The following NTM variants were observed in gnomAD, a reference collection of about 807,000 sequenced individuals.
NTM encodes IgLON family member 2.
NTM carries 13 observed loss-of-function variants against 42.1 expected under a neutral mutation model. The observed-to-expected ratio is 0.31, with a 90% CI of 0.20 to 0.49. NTM has a LOEUF of 0.49. NTM is among the 20% of genes least tolerant of loss of function. The pLI, the probability that NTM is intolerant of heterozygous loss-of-function variation, is 0.99. For synonymous variants in NTM, 187 were observed against 179.2 expected (o/e 1.04, Z -0.35); for missense variants, 373 against 452.8 (o/e 0.82, Z 1.60).
intron 4 of NTM, among the ~76,000 whole-genome samples, chr11:132,287,019 T>C (rs1665641219): frequency 6.6e-6 from 1 of 152,238 alleles, no homozygotes; most frequent in South Asian, 2.1e-4. Context: ...GGCTTTCTCC[T>C]TTAAATTCCT....
intron 2 of NTM, among the ~76,000 whole-genome samples, chr11:131,976,116 A>ATTCCTTCCTTCC (rs373955090): frequency 0.12 from 15,437 of 123,566 alleles, 1,243 homozygotes; most frequent in East Asian, 0.24. Flanking sequence ...TCCCTCCCTC[A>ATTCCTTCCTTCC]TTCCTTCCTT....
intron 2 of NTM, among the ~76,000 whole-genome samples, chr11:132,050,381 C>T (rs368372982): frequency 3.3e-5 from 5 of 152,084 alleles, no homozygotes; most frequent in South Asian, 2.1e-4. Context: ...CCCACCCCTA[C>T]GAGGATTTTC....
chr11:131,703,956 C>T (rs752647298), intron 1 of NTM, among the ~76,000 whole-genome samples: 1 of 152,172 alleles, frequency 6.6e-6, no homozygotes, highest in African/African-American at 2.4e-5. Context: ...GCTCCAGCCT[C>T]TAGGGTTGCA....
chr11:132,334,121 G>A (rs552567996), intron 8 of NTM, among the ~76,000 whole-genome samples: 25 of 152,276 alleles, frequency 1.6e-4, no homozygotes, highest in Admixed American at 1.4e-3. Flanking sequence ...AATTCATCTG[G>A]GCATCCAAAC....
chr11:132,037,355 C>T (rs755726595), intron 2 of NTM, among the ~76,000 whole-genome samples: 15 of 152,262 alleles, frequency 9.9e-5, no homozygotes, highest in Admixed American at 1.3e-4. Flanking sequence ...CTCACTGCCA[C>T]GCTTCTTGTG....
In NTM at chr11:132,146,603, T is replaced by G. The variant is rs953089335; in HGVS notation, c.400+89T>G. ...TTTGTTCTCTGATCCTCAACAGAGA[T>G]GAGTTATCCTTATTCTACGCATCTG... On this transcript the variant is annotated intron_variant, in intron 3 of 8. Transcript: ENST00000683400. This position sits in a 1 kb window ranked among gnomAD's most constrained non-coding sequence, Gnocchi z 4.5. 3.0e-6 allele frequency: 4 copies of G among 1,348,716 alleles called. No individual in the cohort carries two copies. The highest frequency in any genetic ancestry group is 2.7e-5 in the South Asian group (2 of 73,224). The allele number at this position is 1,348,716 out of a possible 1,614,324, so 83.5% of individuals were successfully genotyped here.
intron 1 of NTM, among the ~76,000 whole-genome samples, chr11:131,656,612 T>C (rs2067215698): frequency 6.6e-6 from 1 of 152,152 alleles, no homozygotes; most frequent in African/African-American, 2.4e-5. Flanking sequence ...GAGGCAGAGC[T>C]CCTGCTGATG....
At chr11:131,409,874 A>T (rs972735193) in intron 1 of NTM, among the ~76,000 whole-genome samples, 34 of 152,088 alleles carry the variant, frequency 2.2e-4, no homozygotes, top group African/African-American at 8.2e-4. Flanking sequence ...TTTTTTAATC[A>T]TCTCCTCCTG....
chr11:132,174,683 G>C (rs1412899517), intron 3 of NTM, among the ~76,000 whole-genome samples: 1 of 151,804 alleles, frequency 6.6e-6, no homozygotes, highest in Non-Finnish European at 1.5e-5. Flanking sequence ...TCTCTTTCTG[G>C]CAATGGCTCT....
rs139743831 is a variant in NTM, at chr11:131,499,869, C to T, written c.82+128981C>T. 1.2e-4 allele frequency among the ~76,000 whole-genome samples: 18 copies of T among 152,316 alleles called. No homozygotes were observed. In the East Asian group the frequency reaches 2.9e-3, roughly 24 times the overall value. On this transcript the variant is annotated intron_variant, in intron 1 of 8. Coordinates refer to ENST00000683400, the MANE Select transcript of NTM (RefSeq NM_001352005.2). ...TACTTCTGTGTCAGTTGTATCTACACGTCTATTATTTTGTTTATCTTTTAT... is the reference window on the plus strand; with the variant it reads ...TACTTCTGTGTCAGTTGTATCTACATGTCTATTATTTTGTTTATCTTTTAT...
In NTM at chr11:132,292,666, G is replaced by T. The variant is rs77925487; in HGVS notation, c.527-15023G>T. 1.5e-3 allele frequency among the ~76,000 whole-genome samples: 224 copies of T among 151,852 alleles called. 1 individual carries two copies. The highest frequency in any genetic ancestry group is 3.4e-3 in the Middle Eastern group (1 of 294). On this transcript the variant is annotated intron_variant, in intron 4 of 8. Coordinates refer to ENST00000683400, the MANE Select transcript of NTM (RefSeq NM_001352005.2). Reference sequence around the variant, plus strand: ...GAGACAGACATTTAGATTCATCTAGGATGGGGTTTTGCCAGGCTAGTGGAA... The same window carrying T: ...GAGACAGACATTTAGATTCATCTAGTATGGGGTTTTGCCAGGCTAGTGGAA...
intron 2 of NTM, among the ~76,000 whole-genome samples, chr11:131,914,934 A>G (rs77336102): frequency 0.066 from 10,000 of 152,210 alleles, 1,108 homozygotes; most frequent in African/African-American, 0.23. Flanking sequence ...TATTATCCCT[A>G]TTTTACAGAC....
intron 1 of NTM, among the ~76,000 whole-genome samples, chr11:131,732,964 A>G (rs1453246713): frequency 6.6e-6 from 1 of 152,186 alleles, no homozygotes; most frequent in Non-Finnish European, 1.5e-5. Context: ...TATAATTAGT[A>G]TGATGTACAC....
At chr11:131,502,826 C>G (rs71483671) in intron 1 of NTM, 1 of 152,180 alleles carries the variant, frequency 6.6e-6, no homozygotes, top group African/African-American at 2.4e-5. Flanking sequence ...AGCATCTGAT[C>G]GAATGCTTTT....
At chr11:131,455,966 G>T (rs1254490425) in intron 1 of NTM, among the ~76,000 whole-genome samples, 1 of 152,230 alleles carries the variant, frequency 6.6e-6, no homozygotes, top group Non-Finnish European at 1.5e-5. Context: ...TTTATAAAAA[G>T]GAGAAATGTT....
intron 1 of NTM, among the ~76,000 whole-genome samples, chr11:131,814,101 C>T (rs553809220): frequency 6.6e-6 from 1 of 152,274 alleles, no homozygotes; most frequent in South Asian, 2.1e-4. Context: ...TAATGTACTT[C>T]CCAGAGAGCT....
chr11:132,013,160 C>T (rs2072611814), intron 2 of NTM, among the ~76,000 whole-genome samples: 1 of 151,982 alleles, frequency 6.6e-6, no homozygotes, highest in Non-Finnish European at 1.5e-5. Flanking sequence ...GAGACTAGAA[C>T]AAGGAAGGGT....
intron 2 of NTM, among the ~76,000 whole-genome samples, chr11:131,913,220 T>C (rs2055580469): frequency 6.6e-6 from 1 of 152,232 alleles, no homozygotes; most frequent in Admixed American, 6.5e-5. Context: ...ATTTTCTTGT[T>C]CAAGAAATGC....
chr11:132,001,156 T>C (rs1288531328), intron 2 of NTM, among the ~76,000 whole-genome samples: 1 of 152,196 alleles, frequency 6.6e-6, no homozygotes, highest in African/African-American at 2.4e-5. Flanking sequence ...AAAAGCGGCA[T>C]TGTATGATTC....
Sources: gnomAD v4.1 joint callset for allele counts (sites outside exome capture counted in the v4.1 genomes callset) on GRCh38, gnomAD v4.1.1 for gene constraint, Gnocchi (gnomAD v3.1) non-coding constraint, MANE v1.5 for transcripts, NCBI Gene and HGNC (gene_info 2026-07-23, HGNC 2026-07-21) for gene names.